The following MYO1E variants were observed in gnomAD, a reference collection of about 807,000 sequenced individuals.
MYO1E encodes myosin IE, also known as unconventional myosin-Ie.
A neutral mutation model predicts 151.1 loss-of-function variants in MYO1E; 68 were observed. That is an observed-to-expected ratio of 0.45 (90% CI 0.37 to 0.55). MYO1E has a LOEUF of 0.55. Ranked by LOEUF, MYO1E falls within the 20% of genes least tolerant of loss-of-function variation. The pLI, the probability that MYO1E is intolerant of heterozygous loss-of-function variation, is 0.00. For missense variants in MYO1E, 1,363 were observed against 1,389.3 expected, an observed-to-expected ratio of 0.98 and a Z score of 0.30; for synonymous variants, 601 against 501.7, an observed-to-expected ratio of 1.20 and a Z score of -2.64.
At chr15:59,280,622 CAA>C (rs35913240) in intron 1 of MYO1E, among the ~76,000 whole-genome samples, 22 of 77,086 alleles carry the variant, frequency 2.9e-4, no homozygotes, top group Admixed American at 5.8e-4. Context: ...AAGTCCATCT[CAA>C]AAAAAAAAAA....
chr15:59,219,331 A>G (rs994465654), intron 9 of MYO1E, among the ~76,000 whole-genome samples: 1 of 152,248 alleles, frequency 6.6e-6, no homozygotes. Context: ...AGATTTTTAT[A>G]GATGCAATGC....
At chr15:59,175,942 C>G (rs1301218875) in intron 19 of MYO1E, among the ~76,000 whole-genome samples, 1 of 151,960 alleles carries the variant, frequency 6.6e-6, no homozygotes, top group African/African-American at 2.4e-5. Context: ...CCAAACCAAA[C>G]CAAAAAACAA....
intron 26 of MYO1E, among the ~76,000 whole-genome samples, chr15:59,150,662 C>G (rs2079470160): frequency 6.7e-6 from 1 of 148,580 alleles, no homozygotes; most frequent in African/African-American, 2.5e-5. Flanking sequence ...AGCAAAAATC[C>G]CATAAACCTA....
At chr15:59,181,552 G>A (rs2079658335) in intron 18 of MYO1E, among the ~76,000 whole-genome samples, 1 of 152,218 alleles carries the variant, frequency 6.6e-6, no homozygotes. Flanking sequence ...CTTACTTCAA[G>A]AGCATGGGGC....
Position 59,273,339 on chromosome 15 carries a change from G to C in MYO1E, c.4-890C>G, listed in dbSNP as rs1160125398. Among the ~76,000 whole-genome samples the C allele has an allele frequency of 2.0e-5, 3 of 151,578 alleles. No homozygotes were observed. The South Asian group carries it at 6.3e-4, about 32-fold the overall frequency. On this transcript the variant is annotated intron_variant, in intron 1 of 27. Coordinates refer to ENST00000288235, the MANE Select transcript of MYO1E (RefSeq NM_004998.4). ...CGTGACAAGTTCTTATGGCACACTT[G>C]GGGAGCTTAAAGTCCTATGAAGACA...
At chr15:59,212,659 A>G (rs1314423369) in intron 12 of MYO1E, 1 of 152,028 alleles carries the variant, frequency 6.6e-6, no homozygotes, top group Non-Finnish European at 1.5e-5. Flanking sequence ...CTCCATAGAG[A>G]CTGTCAAAAA....
intron 9 of MYO1E, among the ~76,000 whole-genome samples, chr15:59,218,514 T>C (rs1372438483): frequency 6.6e-6 from 1 of 152,246 alleles, no homozygotes; most frequent in Non-Finnish European, 1.5e-5. Context: ...AATGTTTTCA[T>C]AGCATCATTT....
chr15:59,179,566 A>C (rs1484411158), intron 18 of MYO1E, among the ~76,000 whole-genome samples: 2 of 152,158 alleles, frequency 1.3e-5, no homozygotes, highest in African/African-American at 4.8e-5. Context: ...TCTTACTCCT[A>C]CAGCAACCTG....
At chr15:59,264,050 C>A (rs1195158824) in intron 2 of MYO1E, among the ~76,000 whole-genome samples, 2 of 152,166 alleles carry the variant, frequency 1.3e-5, no homozygotes, top group African/African-American at 4.8e-5. Context: ...TTGACTGTCC[C>A]TTATCCAAAA....
intron 7 of MYO1E, among the ~76,000 whole-genome samples, chr15:59,225,438 G>A (rs1461834259): frequency 6.6e-5 from 10 of 152,060 alleles, no homozygotes; most frequent in Non-Finnish European, 1.2e-4. Context: ...ATTTGATCCT[G>A]TCGATGTCGC....
chr15:59,262,774 G>A (rs1194960982), intron 2 of MYO1E, among the ~76,000 whole-genome samples: 1 of 152,162 alleles, frequency 6.6e-6, no homozygotes, highest in Non-Finnish European at 1.5e-5. Context: ...GCCTCTCAGA[G>A]AGGCTATGCT....
At chr15:59,305,286 C>T (rs1011871755) in intron 1 of MYO1E, among the ~76,000 whole-genome samples, 4 of 152,118 alleles carry the variant, frequency 2.6e-5, no homozygotes, top group East Asian at 1.9e-4. Context: ...CTCTGCCTCC[C>T]GGGATCAAGC....
intron 3 of MYO1E, among the ~76,000 whole-genome samples, chr15:59,256,772 C>T (rs190666838): frequency 4.6e-5 from 7 of 152,302 alleles, no homozygotes; most frequent in Non-Finnish European, 8.8e-5. Flanking sequence ...TTGGAGAGGC[C>T]TGCCAAACAC....
At chr15:59,203,691 G>T (rs75711599) in intron 15 of MYO1E, among the ~76,000 whole-genome samples, 7,139 of 152,236 alleles carry the variant, frequency 0.047, 542 homozygotes, top group African/African-American at 0.16. Context: ...ACTTTCATTA[G>T]TGGTGCTATT....
intron 21 of MYO1E, among the ~76,000 whole-genome samples, chr15:59,173,104 G>C (rs1156607445): frequency 2.0e-5 from 3 of 152,222 alleles, no homozygotes; most frequent in Non-Finnish European, 4.4e-5. Context: ...AAAATCAACT[G>C]TTCCTCCTGT....
intron 2 of MYO1E, among the ~76,000 whole-genome samples, chr15:59,265,309 A>G (rs1350949084): frequency 6.6e-6 from 1 of 152,188 alleles, no homozygotes; most frequent in African/African-American, 2.4e-5. Context: ...GACAACAGAC[A>G]AAGGTACCAC....
At chr15:59,315,911 T>C (rs1158501617) in intron 1 of MYO1E, among the ~76,000 whole-genome samples, 1 of 152,164 alleles carries the variant, frequency 6.6e-6, no homozygotes, top group Non-Finnish European at 1.5e-5. Context: ...ACTTTCTCAG[T>C]GACAAATAAG....
chr15:59,248,363 G>A (rs1241978688), intron 4 of MYO1E, among the ~76,000 whole-genome samples: 5 of 151,138 alleles, frequency 3.3e-5, no homozygotes, highest in Admixed American at 1.3e-4. Context: ...GTGGGCGCCT[G>A]TAGTCCCAGC....
rs10717979 is a variant in MYO1E at position 59,142,920 on chromosome 15, C to CAA, written c.3081-4555_3081-4554dup. ...AAACTCTAGCCAGGGTAATTAGGTG[C>CAA]AAAAAAAAAAAAAAAAAAAAAAGGC... On this transcript the variant is annotated intron_variant, in intron 26 of 27. Transcript: ENST00000288235. Among the ~76,000 whole-genome samples, 619 of 87,162 alleles carry CAA rather than the reference C, an allele frequency of 7.1e-3. 8 individuals are homozygous for CAA. The highest frequency in any genetic ancestry group is 0.011 in the Non-Finnish European group (497 of 44,298). The allele number at this position is 87,162 out of a possible 152,430, so 57.2% of individuals were successfully genotyped here.
Sources: allele counts gnomAD v4.1 joint callset (sites outside exome capture counted in the v4.1 genomes callset), GRCh38; gene constraint gnomAD v4.1.1; transcripts MANE v1.5; gene names NCBI Gene and HGNC (gene_info 2026-07-23, HGNC 2026-07-21).